Variants in CUX2 observed in about 807,000 individuals in gnomAD.
The protein encoded by CUX2 is cut like homeobox 2.
Under a neutral mutation model 144.8 loss-of-function variants are expected in CUX2, and 40 were observed. The ratio of observed to expected loss-of-function variants is 0.28; its 90% CI spans 0.21 to 0.36. The LOEUF (loss-of-function observed/expected upper bound fraction) is 0.36, where lower values mean the gene tolerates loss of function less well. Among genes scored for constraint, CUX2 ranks in the 10% least tolerant of loss-of-function variants. The probability of loss-of-function intolerance (pLI) is 1.00; values close to 1 mark genes in which losing one functional copy is unlikely to be tolerated. For missense variants in CUX2, 1,615 were observed against 1,994.0 expected (o/e 0.81, Z 3.62); for synonymous variants, 827 against 875.6 (o/e 0.94, Z 0.98).
chr12:111,220,937 TAAAAAAAAAAAAAA>T (rs1162004039), intron 3 of CUX2, among the ~76,000 whole-genome samples: 1 of 92,098 alleles, frequency 1.1e-5, no homozygotes, highest in African/African-American at 4.3e-5. Context: ...CCTGGTCTCT[TAAAAAAAAAAAAAA>T]AAAAAAAAAA....
At chr12:111,324,053 T>A (rs1887657665) in intron 18 of CUX2, among the ~76,000 whole-genome samples, 1 of 151,648 alleles carries the variant, frequency 6.6e-6, no homozygotes, top group African/African-American at 2.4e-5. Context: ...AAAGAATTAA[T>A]AAAATGAAAT....
At chr12:111,294,294 G>A (rs1277655661) in intron 6 of CUX2, among the ~76,000 whole-genome samples, 1 of 152,190 alleles carries the variant, frequency 6.6e-6, no homozygotes, top group South Asian at 2.1e-4. Flanking sequence ...TTTTAGCAGA[G>A]ACAGGATTTC....
intron 3 of CUX2, among the ~76,000 whole-genome samples, chr12:111,243,496 CT>C (rs761276935): frequency 0.014 from 1,158 of 79,980 alleles, 3 homozygotes; most frequent in Non-Finnish European, 0.016. Flanking sequence ...GTTGATGTGC[CT>C]TTTTTTTTTT....
In CUX2 at chr12:111,255,117, G is replaced by A. The variant is rs1243213334; in HGVS notation, c.223-8644G>A. ...CTCCCAAAGTGCTGGGATTACAGGC[G>A]TGAGCCACCGCACCCAACCTTAATC... is the stretch of plus-strand genomic sequence containing the variant. On this transcript the variant is annotated intron_variant, in intron 3 of 21. Transcript: ENST00000261726. The surrounding 1 kb of genome is among the most constrained non-coding windows in gnomAD (Gnocchi z 4.1). Among the ~76,000 whole-genome samples, 2 of 152,138 alleles carry A rather than the reference G, an allele frequency of 1.3e-5. No individual in the cohort carries two copies. Among genetic ancestry groups the A allele is most frequent in the African/African-American group, 2.4e-5 (1 of 41,424 alleles).
In CUX2 at chr12:111,263,723, A is replaced by G. The variant is rs1288820525; in HGVS notation, c.223-38A>G. 9.3e-6 allele frequency: 14 copies of G among 1,500,620 alleles called. No individual in the cohort carries two copies. The highest frequency in any genetic ancestry group is 1.2e-5 in the Non-Finnish European group (13 of 1,081,440). The allele number at this position is 1,500,620 out of a possible 1,614,324, so 93.0% of individuals were successfully genotyped here. A position where few individuals can be genotyped will look rare whatever the true frequency, so the allele number is the denominator to read the frequency against. The stretch of plus-strand genomic sequence containing the variant: ...AAATTTGCTTGCAGACACAGATGCC[A>G]TGGTTACACGTGACTCTTTCTCTTG... On this transcript the variant is annotated intron_variant, in intron 3 of 21. Transcript: ENST00000261726. The surrounding 1 kb of genome is among the most constrained non-coding windows in gnomAD (Gnocchi z 4.0).
chr12:111,214,994 T>C (rs1247604421), intron 2 of CUX2, among the ~76,000 whole-genome samples: 1 of 151,154 alleles, frequency 6.6e-6, no homozygotes, highest in Non-Finnish European at 1.5e-5. Context: ...AAACAAATGA[T>C]GAGAATAAAC....
At chr12:111,158,145 T>G (rs945451335) in intron 1 of CUX2, among the ~76,000 whole-genome samples, 1 of 152,176 alleles carries the variant, frequency 6.6e-6, no homozygotes, top group Non-Finnish European at 1.5e-5. Context: ...TTTTCAATTA[T>G]GTCAGGTGAA....
Position 111,034,605 on chromosome 12 carries a change from T to G in CUX2, c.63+365T>G, listed in dbSNP as rs976813373. ...CCGGCGGTCCCCCCTGAGCCGCACT[T>G]TGCGCGCCTCCCAACTTCGCGGCGC... On this transcript the variant is annotated intron_variant, in intron 1 of 21. Coordinates refer to ENST00000261726, the MANE Select transcript of CUX2 (RefSeq NM_015267.4). The surrounding 1 kb of genome is among the most constrained non-coding windows in gnomAD (Gnocchi z 4.2). Among the ~76,000 whole-genome samples, 1 of 151,006 alleles carries G rather than the reference T, an allele frequency of 6.6e-6. No homozygotes were observed. Among genetic ancestry groups the G allele is most frequent in the Admixed American group, 6.6e-5 (1 of 15,212 alleles).
intron 3 of CUX2, among the ~76,000 whole-genome samples, chr12:111,247,328 A>G (rs565800011): frequency 6.6e-6 from 1 of 152,354 alleles, no homozygotes; most frequent in East Asian, 1.9e-4. Flanking sequence ...AGATACGTCC[A>G]GAAAGGACGC....
At chr12:111,308,239 G>T in intron 12 of CUX2, 46 bp from the exon 13 acceptor site, 1 of 1,612,640 alleles carries the variant, frequency 6.2e-7, no homozygotes, top group East Asian at 2.2e-5. Flanking sequence ...CTCTCCTCCA[G>T]CCCGGGGGCT....
chr12:111,121,369 C>CTTTTTTTTTTTTTTTTT (rs5800920), intron 1 of CUX2, among the ~76,000 whole-genome samples: 2 of 59,036 alleles, frequency 3.4e-5, no homozygotes, highest in Non-Finnish European at 6.5e-5. Flanking sequence ...TTTCTTTTTT[C>CTTTTTTTTTTTTTTTTT]TTTTTTTTTT....
chr12:111,317,537 G>T (rs529812367), intron 16 of CUX2, among the ~76,000 whole-genome samples: 7 of 152,070 alleles, frequency 4.6e-5, no homozygotes, highest in Non-Finnish European at 8.8e-5. Context: ...CCCAATAACT[G>T]AGATCTGGCA....
At chr12:111,338,057 T>G (rs1036857785) in intron 19 of CUX2, among the ~76,000 whole-genome samples, 2 of 149,580 alleles carry the variant, frequency 1.3e-5, no homozygotes, top group African/African-American at 4.9e-5. Context: ...AAAAAAAAGC[T>G]CTTTTGTTGG....
intron 3 of CUX2, among the ~76,000 whole-genome samples, chr12:111,242,779 A>C (rs1435354602): frequency 6.6e-6 from 1 of 152,154 alleles, no homozygotes; most frequent in Non-Finnish European, 1.5e-5. Flanking sequence ...CCACCACTGC[A>C]TTCCAGCCGG....
Position 111,061,737 on chromosome 12 carries a change from G to A in CUX2, c.63+27497G>A, listed in dbSNP as rs548438982. Among the ~76,000 whole-genome samples the A allele has an allele frequency of 6.6e-6, 1 of 152,292 alleles. No individual in the cohort carries two copies. Among genetic ancestry groups the A allele is most frequent in the Admixed American group, 6.5e-5 (1 of 15,302 alleles). On this transcript the variant is annotated intron_variant, in intron 1 of 21. Coordinates refer to ENST00000261726, the MANE Select transcript of CUX2 (RefSeq NM_015267.4). This position sits in a 1 kb window ranked among gnomAD's most constrained non-coding sequence, Gnocchi z 4.2. ...GTCACTCTCCCCTCAGCCTGGCCCT[G>A]GCCCTGGGTATCTCTGGGTTTTTTG...
intron 1 of CUX2, among the ~76,000 whole-genome samples, chr12:111,181,457 A>C (rs1157199749): frequency 6.6e-6 from 1 of 152,234 alleles, no homozygotes; most frequent in African/African-American, 2.4e-5. Flanking sequence ...TTATTGATCA[A>C]TACCCTCAAA....
chr12:111,278,297 C>A (rs1884974238), intron 4 of CUX2, among the ~76,000 whole-genome samples: 1 of 152,160 alleles, frequency 6.6e-6, no homozygotes, highest in African/African-American at 2.4e-5. Flanking sequence ...GTGCCTGTGG[C>A]CCCCAGCTAC....
intron 1 of CUX2, among the ~76,000 whole-genome samples, chr12:111,202,750 G>A (rs538944683): frequency 3.9e-5 from 6 of 152,072 alleles, no homozygotes; most frequent in Non-Finnish European, 1.5e-5. Flanking sequence ...ATGTGTCAAC[G>A]GCAAGGGCTT....
chr12:111,227,794 C>T (rs1882234508), intron 3 of CUX2, among the ~76,000 whole-genome samples: 1 of 152,200 alleles, frequency 6.6e-6, no homozygotes, highest in African/African-American at 2.4e-5. Flanking sequence ...CCCTAGAGCA[C>T]ACCCCTGCCT....
Sources: allele counts gnomAD v4.1 joint callset (sites outside exome capture counted in the v4.1 genomes callset), GRCh38; gene constraint gnomAD v4.1.1; non-coding constraint Gnocchi (gnomAD v3.1); transcripts MANE v1.5; gene names NCBI Gene and HGNC (gene_info 2026-07-23, HGNC 2026-07-21).